SRGAP2C: variants seen among roughly 807,000 people sequenced by gnomAD.
The protein encoded by SRGAP2C is SLIT-ROBO Rho GTPase activating protein 2C.
Under a neutral mutation model 25.1 loss-of-function variants are expected in SRGAP2C, and 15 were observed. That is an observed-to-expected ratio of 0.60 (90% confidence interval 0.40 to 0.92). The LOEUF (loss-of-function observed/expected upper bound fraction) is 0.92. SRGAP2C is among the 40% of genes least tolerant of loss of function. The pLI is 0.00. For synonymous variants in SRGAP2C, 44 were observed against 96.6 expected, an observed-to-expected ratio of 0.46 and a Z score of 3.19; for missense variants, 144 against 264.4, an observed-to-expected ratio of 0.54 and a Z score of 3.16.
chr1:121,263,234 G>C (rs1656671826), intron 2 of SRGAP2C, among the ~76,000 whole-genome samples: 1 of 150,486 alleles, frequency 6.6e-6, no homozygotes, highest in Admixed American at 6.7e-5. Flanking sequence ...TGAGGCATGG[G>C]AATCGCTTGA....
At position 121,377,369 on chromosome 1, in the gene SRGAP2C, C is replaced by T. The variant is rs587727019; in HGVS notation, c.831+2415C>T. ...CTGCAAGCTCCACCTCCCAGGTTCA[C>T]GCCATTCTCCTGCCTCAGCCTCCCG... On this transcript the variant is annotated intron_variant, in intron 7 of 9. Coordinates refer to ENST00000367123, the MANE Select transcript of SRGAP2C (RefSeq NM_001329984.2). 3.6e-4 allele frequency among the ~76,000 whole-genome samples: 25 copies of T among 70,092 alleles called. 5 individuals are homozygous for T. The highest frequency in any genetic ancestry group is 1.5e-3 in the African/African-American group (23 of 15,176). The allele number at this position is 70,092 out of a possible 152,430, so 46.0% of individuals were successfully genotyped here.
chr1:121,308,142 C>T lies in SRGAP2C; in HGVS notation c.261-16336C>T, dbSNP rs1396199266. Among the ~76,000 whole-genome samples the T allele has an allele frequency of 6.3e-3, 798 of 125,930 alleles. 13 individuals carry two copies. Among genetic ancestry groups the T allele is most frequent in the Non-Finnish European group, 0.01 (584 of 58,166 alleles). 82.6% of individuals were successfully genotyped at this position (125,930 alleles called of 152,430 possible). ...CTTTCAGCACCAGCCCTTTGAGATG[C>T]TAAGGGCTTTTGAATGAAATGTAAT... On this transcript the variant is annotated intron_variant, in intron 3 of 9. Transcript: ENST00000367123.
chr1:121,295,607 G>A (rs1657579249), intron 3 of SRGAP2C, among the ~76,000 whole-genome samples: 1 of 152,082 alleles, frequency 6.6e-6, no homozygotes, highest in African/African-American at 2.4e-5. Flanking sequence ...ATTGCTGACT[G>A]ATGGGATTCA....
At chr1:121,192,453 C>G (rs1654714499) in intron 2 of SRGAP2C, among the ~76,000 whole-genome samples, 2 of 151,238 alleles carry the variant, frequency 1.3e-5, no homozygotes, top group Admixed American at 6.6e-5. Flanking sequence ...TGGAAACTTT[C>G]AAGTACCATA....
At chr1:121,207,955 G>C (rs1655157020) in intron 2 of SRGAP2C, among the ~76,000 whole-genome samples, 2 of 152,028 alleles carry the variant, frequency 1.3e-5, no homozygotes, top group South Asian at 4.2e-4. Flanking sequence ...GGAGGTCAGA[G>C]GCTTGGGTAC....
chr1:121,201,630 AC>A (rs1346828116), intron 2 of SRGAP2C, among the ~76,000 whole-genome samples: 3 of 152,392 alleles, frequency 2.0e-5, no homozygotes, highest in African/African-American at 7.2e-5. Context: ...AAATACTCTA[AC>A]AAAACTTAAT....
At chr1:121,346,193 G>A (rs1340604619) in intron 4 of SRGAP2C, among the ~76,000 whole-genome samples, 1 of 75,320 alleles carries the variant, frequency 1.3e-5, no homozygotes, top group South Asian at 3.5e-4. Flanking sequence ...CCACTTTCAG[G>A]CTTAGCAGTA....
rs1214472471 is a variant in SRGAP2C, at chr1:121,365,802, T to C, written c.486+447T>C. On this transcript the variant is annotated intron_variant, in intron 5 of 9. Transcript: ENST00000367123. ...ATGGCTTTGAGACTAGAACAAATGC[T>C]CTGGAGGGCAGCACAGAGTCCTAAA... 2.2e-5 allele frequency among the ~76,000 whole-genome samples: 2 copies of C among 93,010 alleles called. 1 individual carries two copies. Among genetic ancestry groups the C allele is most frequent in the Non-Finnish European group, 4.7e-5 (2 of 42,870 alleles). 61.0% of individuals were successfully genotyped at this position (93,010 alleles called of 152,430 possible).
chr1:121,345,705 T>C (rs1418010184), intron 4 of SRGAP2C, among the ~76,000 whole-genome samples: 1 of 132,224 alleles, frequency 7.6e-6, no homozygotes, highest in Non-Finnish European at 1.6e-5. Context: ...CAGGCTGGAG[T>C]GCAGTGCGCG....
At chr1:121,374,239 TG>T (rs1263758489) in intron 6 of SRGAP2C, 53 bp downstream of exon 6, 2 of 638,198 alleles carry the variant, frequency 3.1e-6, no homozygotes, top group African/African-American at 3.8e-5. Flanking sequence ...CGGTAAGGCA[TG>T]GCTGATAGGA....
At chr1:121,202,961 T>TC (rs1655022462) in intron 2 of SRGAP2C, among the ~76,000 whole-genome samples, 1 of 146,646 alleles carries the variant, frequency 6.8e-6, no homozygotes, top group Admixed American at 6.9e-5. Context: ...ATGGGAACTC[T>TC]CCACAGAGTC....
chr1:121,272,508 C>A (rs1369266940), intron 2 of SRGAP2C, among the ~76,000 whole-genome samples: 4 of 151,762 alleles, frequency 2.6e-5, no homozygotes, highest in Non-Finnish European at 5.9e-5. Flanking sequence ...AGGTGGTTCC[C>A]CCTCTTTCCC....
intron 4 of SRGAP2C, among the ~76,000 whole-genome samples, chr1:121,331,292 G>A (rs1227195355): frequency 7.7e-5 from 1 of 13,064 alleles, no homozygotes; most frequent in Non-Finnish European, 1.2e-4. Flanking sequence ...AGCTGGGTGG[G>A]CTGTAAATGC....
intron 5 of SRGAP2C, among the ~76,000 whole-genome samples, chr1:121,372,294 G>A (rs1203497751): frequency 1.4e-4 from 21 of 152,090 alleles, no homozygotes; most frequent in Admixed American, 5.9e-4. Context: ...TTTTCTCAAC[G>A]TCAGCACCAT....
chr1:121,230,808 G>A (rs587750180), intron 2 of SRGAP2C, among the ~76,000 whole-genome samples: 3 of 152,204 alleles, frequency 2.0e-5, no homozygotes, highest in Admixed American at 1.3e-4. Flanking sequence ...ATGATAGACG[G>A]GATAAAGAAA....
At chr1:121,337,940 GAGT>G (rs1259367145) in intron 4 of SRGAP2C, among the ~76,000 whole-genome samples, 2 of 82,464 alleles carry the variant, frequency 2.4e-5, no homozygotes, top group Non-Finnish European at 4.9e-5. Flanking sequence ...ACTTTGAGAT[GAGT>G]ACTGGTTTTA....
intron 5 of SRGAP2C, among the ~76,000 whole-genome samples, chr1:121,368,166 G>A (rs1305559459): frequency 2.6e-5 from 3 of 114,272 alleles, no homozygotes; most frequent in Non-Finnish European, 5.4e-5. Context: ...CACTTTGGGA[G>A]GCTGAGGTGG....
chr1:121,259,438 C>T (rs1428689160), intron 2 of SRGAP2C, among the ~76,000 whole-genome samples: 2 of 128,212 alleles, frequency 1.6e-5, no homozygotes, highest in East Asian at 4.9e-4. Flanking sequence ...CAAGATCATG[C>T]CACTGCACTC....
intron 3 of SRGAP2C, among the ~76,000 whole-genome samples, chr1:121,296,968 TGAA>T (rs1657610817): frequency 6.7e-6 from 1 of 149,964 alleles, no homozygotes; most frequent in Non-Finnish European, 1.5e-5. Flanking sequence ...CCAGGAAACA[TGAA>T]GCTCCCGGGA....
Sources: gnomAD v4.1 joint callset for allele counts (sites outside exome capture counted in the v4.1 genomes callset) on GRCh38, gnomAD v4.1.1 for gene constraint, MANE v1.5 for transcripts, NCBI Gene and HGNC (gene_info 2026-07-23, HGNC 2026-07-21) for gene names.